KIF20B: variants seen among roughly 807,000 people sequenced by gnomAD.
The protein encoded by KIF20B is kinesin family member 20B, also known as kinesin-like protein KIF20B.
In KIF20B, 188 loss-of-function variants were observed where a neutral mutation model predicts 232.5. That is an observed-to-expected ratio of 0.81 (90% CI 0.72 to 0.91). KIF20B has a LOEUF of 0.91. Among genes scored for constraint, KIF20B ranks in the 40% least tolerant of loss-of-function variants. The probability of loss-of-function intolerance (pLI) is 0.00; values close to 1 mark genes in which losing one functional copy is unlikely to be tolerated. For missense variants in KIF20B, 2,154 were observed against 2,055.9 expected (o/e 1.05, Z -0.92); for synonymous variants, 712 against 683.0 (o/e 1.04, Z -0.66).
At chr10:89,714,788 C>T (rs1842904389) in intron 7 of KIF20B, among the ~76,000 whole-genome samples, 167 bp from the exon 8 acceptor site, 1 of 152,132 alleles carries the variant, frequency 6.6e-6, no homozygotes, top group African/African-American at 2.4e-5. Flanking sequence ...TTTGGTTAAT[C>T]CACATATTAT....
intron 27 of KIF20B, among the ~76,000 whole-genome samples, chr10:89,760,130 C>A (rs959911760): frequency 6.6e-6 from 1 of 152,172 alleles, no homozygotes; most frequent in Non-Finnish European, 1.5e-5. Flanking sequence ...CTGAGCAATT[C>A]TAACTCAGTA....
intron 21 of KIF20B, among the ~76,000 whole-genome samples, chr10:89,743,085 G>T (rs74230662): frequency 0.027 from 4,077 of 152,142 alleles, 361 homozygotes; most frequent in East Asian, 0.27. Flanking sequence ...TGGAGTTTTG[G>T]CAGTAAAGCT....
At chr10:89,707,261 C>T (rs1842742970) in intron 2 of KIF20B, among the ~76,000 whole-genome samples, 1 of 152,168 alleles carries the variant, frequency 6.6e-6, no homozygotes, top group African/African-American at 2.4e-5. Flanking sequence ...ATGTAACTGT[C>T]ACTACAGTCA....
intron 17 of KIF20B, 84 bp downstream of exon 17, chr10:89,727,980 A>G (rs1240315142): frequency 3.3e-6 from 4 of 1,209,896 alleles, no homozygotes; most frequent in Non-Finnish European, 3.4e-6. Flanking sequence ...GTTTATTTTA[A>G]AAAATAATTA....
At chr10:89,711,437 T>C (rs947367059) in intron 6 of KIF20B, among the ~76,000 whole-genome samples, 1 of 152,138 alleles carries the variant, frequency 6.6e-6, no homozygotes, top group Middle Eastern at 3.2e-3. Flanking sequence ...TTCTGTTTTT[T>C]AATTGTGAAA....
At chr10:89,746,514 T>C (rs1841914286) in intron 23 of KIF20B, among the ~76,000 whole-genome samples, 1 of 152,204 alleles carries the variant, frequency 6.6e-6, no homozygotes, top group Non-Finnish European at 1.5e-5. Context: ...TCTTCCAGTG[T>C]GTTCCTCTAG....
At chr10:89,749,948 A>C (rs80209195) in intron 23 of KIF20B, among the ~76,000 whole-genome samples, 2,406 of 152,276 alleles carry the variant, frequency 0.016, 72 homozygotes, top group African/African-American at 0.055. Context: ...TTTCACTATG[A>C]TTGCTCATAA....
chr10:89,726,582 A>G (rs902616871), intron 16 of KIF20B, 61 bp downstream of exon 16: 11 of 1,361,722 alleles, frequency 8.1e-6, no homozygotes, highest in Non-Finnish European at 9.9e-6. Context: ...TACTCTTGGT[A>G]AGTATAAGAG....
In KIF20B at chr10:89,740,096, A is replaced by C. The variant is rs140228006; in HGVS notation, c.3915+1000A>C. Among the ~76,000 whole-genome samples the C allele has an allele frequency of 5.7e-3, 861 of 152,280 alleles. 1 individual carries two copies. Among genetic ancestry groups the C allele is most frequent in the Non-Finnish European group, 7.6e-3 (515 of 68,014 alleles). On this transcript the variant is annotated intron_variant, in intron 21 of 32. Coordinates refer to ENST00000371728, the MANE Select transcript of KIF20B (RefSeq NM_001284259.2). ...GGAATTACTGTGTTAGAGGATATGA[A>C]GTGTTATCTCATGGTAGTTTTAATT...
At chr10:89,705,855 C>T (rs1220114048) in intron 2 of KIF20B, among the ~76,000 whole-genome samples, 2 of 152,150 alleles carry the variant, frequency 1.3e-5, no homozygotes, top group East Asian at 3.9e-4. Flanking sequence ...TGTCATACAT[C>T]AGTAGTTTTT....
chr10:89,748,338 T>C (rs1441872697), intron 23 of KIF20B, among the ~76,000 whole-genome samples: 5 of 152,140 alleles, frequency 3.3e-5, no homozygotes, highest in Non-Finnish European at 1.5e-5. Flanking sequence ...ATGATACATA[T>C]TTCTGTTTTT....
chr10:89,763,717 A>G (rs772538716), intron 29 of KIF20B, among the ~76,000 whole-genome samples: 11 of 152,098 alleles, frequency 7.2e-5, no homozygotes, highest in Admixed American at 1.3e-4. Flanking sequence ...TTGGCAAGTC[A>G]GATGAGGTTT....
chr10:89,754,326 C>T (rs781472832), intron 25 of KIF20B, among the ~76,000 whole-genome samples, 192 bp from the exon 26 acceptor site: 19 of 151,614 alleles, frequency 1.3e-4, no homozygotes, highest in African/African-American at 3.9e-4. Flanking sequence ...AAATGAAATG[C>T]GTTTAGGAAA....
At chr10:89,768,966 C>A (rs762861720) in intron 31 of KIF20B, 78 bp downstream of exon 31, 260 of 1,171,828 alleles carry the variant, frequency 2.2e-4, no homozygotes, top group Non-Finnish European at 3.0e-4. Flanking sequence ...TATATAAACT[C>A]AACAGCTGTT....
intron 21 of KIF20B, among the ~76,000 whole-genome samples, chr10:89,740,721 C>A (rs577035255): frequency 6.6e-6 from 1 of 152,128 alleles, no homozygotes; most frequent in Non-Finnish European, 1.5e-5. Context: ...AGTGCAGTGG[C>A]GTGATCATAG....
At position 89,725,088 on chromosome 10, in the gene KIF20B, A is replaced by T. The variant is rs757420354; in HGVS notation, c.1931A>T (p.Asp644Val). The change falls in exon 15 of 33, where the codon GAT (aspartate) becomes GTT (valine). Residue 644 changes from aspartate (D) to valine (V), a missense_variant. Physicochemically the swap from Asp to Val is radical, Grantham distance 152. Coordinates refer to ENST00000371728, the MANE Select transcript of KIF20B (RefSeq NM_001284259.2). ...GAACGTCGTTTGGCTATCTTCAAGG[A>T]TTTGGTTGGTAAATGTGACACTCGA... Reference protein sequence around the residue: ...NAERRLAIFKDLVGKCDTREE... With the variant: ...NAERRLAIFKVLVGKCDTREE... The T allele has an allele frequency of 6.2e-6, 10 of 1,613,922 alleles. 1 individual carries two copies. The Admixed American group carries it at 1.7e-4, about 27-fold the overall frequency.
chr10:89,768,609 C>A, intron 30 of KIF20B, 129 bp from the exon 31 acceptor site: 1 of 910,394 alleles, frequency 1.1e-6, no homozygotes. Flanking sequence ...TATCCCTGTC[C>A]TTACATACTT....
In KIF20B at chr10:89,752,669, C is replaced by A; in HGVS notation, c.4325C>A (p.Thr1442Asn). The A allele has an allele frequency of 6.3e-7, 1 of 1,579,220 alleles. No individual in the cohort carries two copies. The highest frequency in any genetic ancestry group is 1.2e-5 in the South Asian group (1 of 85,230). Residue 1442 changes from threonine to asparagine, a missense_variant, in exon 25 of 33, where the codon ACT becomes AAT. Transcript: ENST00000371728. ...ENNTDVLGKL[T>N]NLQDELQESE... ...AACACAGATGTGCTTGGAAAGCTCA[C>A]TAATCTTCAAGATGAGTTACAGGTA...
intron 14 of KIF20B, among the ~76,000 whole-genome samples, chr10:89,724,423 G>A (rs1843132433): frequency 6.6e-6 from 1 of 152,072 alleles, no homozygotes; most frequent in Admixed American, 6.5e-5. Flanking sequence ...GCTGCTTTCA[G>A]GAGGCTGAGG....
Sources: allele counts gnomAD v4.1 joint callset (sites outside exome capture counted in the v4.1 genomes callset), GRCh38; gene constraint gnomAD v4.1.1; transcripts MANE v1.5; gene names NCBI Gene and HGNC (gene_info 2026-07-23, HGNC 2026-07-21).